Variants in INPP5F observed in about 807,000 individuals in gnomAD.
INPP5F encodes the protein inositol polyphosphate-5-phosphatase F, also known as phosphatidylinositide 4-phosphatase SAC2.
INPP5F carries 97 observed loss-of-function variants against 137.2 expected under a neutral mutation model. That is an observed-to-expected ratio of 0.71 (90% CI 0.60 to 0.84). The LOEUF (loss-of-function observed/expected upper bound fraction) is 0.84. Among genes scored for constraint, INPP5F ranks in the 40% least tolerant of loss-of-function variants. The pLI, the probability that INPP5F is intolerant of heterozygous loss-of-function variation, is 0.00. For synonymous variants in INPP5F, 504 were observed against 476.9 expected, an observed-to-expected ratio of 1.06 and a Z score of -0.74; for missense variants, 1,271 against 1,371.9, an observed-to-expected ratio of 0.93 and a Z score of 1.16.
intron 3 of INPP5F, among the ~76,000 whole-genome samples, chr10:119,785,575 A>AGAGAGAGAGAGAGAGACT (rs1435677238): frequency 5.3e-5 from 8 of 150,442 alleles, no homozygotes; most frequent in Admixed American, 2.0e-4. Flanking sequence ...AGAGAGAGAG[A>AGAGAGAGAGAGAGAGACT]GAGACTGAGA....
chr10:119,765,546 A>ATTT (rs36034689), intron 2 of INPP5F, among the ~76,000 whole-genome samples: 35 of 129,808 alleles, frequency 2.7e-4, no homozygotes, highest in African/African-American at 9.8e-4. Context: ...TAATTTTTGT[A>ATTT]TTTTTTTTTT....
At chr10:119,734,067 ATTTCTCACTGTCAT>A (rs1436964935) in intron 1 of INPP5F, among the ~76,000 whole-genome samples, 1 of 152,164 alleles carries the variant, frequency 6.6e-6, no homozygotes, top group East Asian at 1.9e-4. Context: ...AGTCATGCAA[ATTTCTCACTGTCAT>A]TTTATTCAGT....
Position 119,765,741 on chromosome 10 carries a change from C to CTGTGTGTG in INPP5F, c.178+14621_178+14628dup, listed in dbSNP as rs34906556. 4.6e-3 allele frequency among the ~76,000 whole-genome samples: 583 copies of CTGTGTGTG among 127,684 alleles called. 1 individual carries two copies. Among genetic ancestry groups the CTGTGTGTG allele is most frequent in the African/African-American group, 0.015 (509 of 33,214 alleles). 83.8% of individuals were successfully genotyped at this position (127,684 alleles called of 152,430 possible). A position where few individuals can be genotyped will look rare whatever the true frequency, so the allele number is the denominator to read the frequency against. The stretch of plus-strand genomic sequence containing the variant: ...AACTCCTGCATTGTTCAAGGGTAAA[C>CTGTGTGTG]TGTGTGTGTGTGTGTGTGTGTGTGT... On this transcript the variant is annotated intron_variant, in intron 2 of 19. Coordinates refer to ENST00000650623, the MANE Select transcript of INPP5F (RefSeq NM_014937.4).
intron 19 of INPP5F, among the ~76,000 whole-genome samples, chr10:119,824,206 A>G (rs905944329): frequency 1.3e-5 from 2 of 152,182 alleles, no homozygotes; most frequent in African/African-American, 4.8e-5. Context: ...AAAACTTAAG[A>G]AAGTAACCTT....
At chr10:119,744,568 T>C (rs1317050178) in intron 1 of INPP5F, among the ~76,000 whole-genome samples, 1 of 152,198 alleles carries the variant, frequency 6.6e-6, no homozygotes, top group Non-Finnish European at 1.5e-5. Context: ...TTGTTTTATT[T>C]TGAGATGGAG....
chr10:119,779,156 G>A (rs530150466), intron 2 of INPP5F, among the ~76,000 whole-genome samples: 1 of 152,006 alleles, frequency 6.6e-6, no homozygotes, highest in South Asian at 2.1e-4. Context: ...ATGCATTGTT[G>A]GGCAATTTCA....
At chr10:119,819,601 G>A in intron 15 of INPP5F, 3 of 1,374,666 alleles carry the variant, frequency 2.2e-6, no homozygotes, top group Non-Finnish European at 2.0e-6. Context: ...TCTCTATGAA[G>A]CTGTCTGGAT....
intron 18 of INPP5F, 70 bp from the exon 19 acceptor site, chr10:119,823,745 T>G: frequency 1.8e-6 from 2 of 1,142,612 alleles, no homozygotes; most frequent in Non-Finnish European, 1.3e-6. Context: ...CAGCGCTAAA[T>G]GGGTTAGAAC....
chr10:119,747,441 A>G (rs1178419230), intron 1 of INPP5F, among the ~76,000 whole-genome samples: 1 of 151,814 alleles, frequency 6.6e-6, no homozygotes, highest in Non-Finnish European at 1.5e-5. Flanking sequence ...GCCAGGCTGA[A>G]CTCCTGGCCT....
intron 16 of INPP5F, 147 bp downstream of exon 16, chr10:119,821,064 CTG>C (rs1442745899): frequency 1.2e-5 from 7 of 601,730 alleles, no homozygotes; most frequent in African/African-American, 3.7e-5. Flanking sequence ...CCTTATATAA[CTG>C]TTACGTCATT....
rs755024875 is a variant in INPP5F, at chr10:119,796,696, A to G, written c.670-19A>G. On this transcript the variant is annotated intron_variant, in intron 6 of 19. Transcript: ENST00000650623. ...TGCTGTACAGAATAGAAACGATATCATGTTCATTTTGTTTTCAGACTCCAG... is the reference window on the plus strand; with the variant it reads ...TGCTGTACAGAATAGAAACGATATCGTGTTCATTTTGTTTTCAGACTCCAG... 31 of 1,584,838 alleles carry G rather than the reference A, an allele frequency of 2.0e-5. No individual in the cohort carries two copies. In the East Asian group the frequency reaches 6.3e-4, roughly 32 times the overall value.
In INPP5F at chr10:119,792,005, G is replaced by A. The variant is rs769938859; in HGVS notation, c.581G>A (p.Gly194Glu). ...LTNSVQRQST[G>E]ERDGRPLWQK... ...AATTCCGTGCAGAGGCAGAGCACTG[G>A]GGAGAGGGACGGTCGGCCCCTCTGG... The change falls in exon 5 of 20, where the codon GGG becomes GAG. Residue 194 changes from glycine (G) to glutamate (E), a missense_variant. Transcript: ENST00000650623. 1.2e-6 allele frequency: 2 copies of A among 1,614,210 alleles called. No individual in the cohort carries two copies. Among genetic ancestry groups the A allele is most frequent in the South Asian group, 2.2e-5 (2 of 91,082 alleles).
chr10:119,740,837 G>C (rs992434519), intron 1 of INPP5F, among the ~76,000 whole-genome samples: 2 of 152,282 alleles, frequency 1.3e-5, no homozygotes, highest in South Asian at 4.1e-4. Flanking sequence ...CACTGTGCCC[G>C]GCCCCATACT....
At position 119,785,535 on chromosome 10, in the gene INPP5F, CGAGAGAGAGAGAGAGAGAGAGAGA is replaced by C. The variant is rs59804262; in HGVS notation, c.315+3785_315+3808del. ...TGATCTCCTGACCTTGTGATCCGCT[CGAGAGAGAGAGAGAGAGAGAGAGA>C]GAGAGAGAGAGAGAGAGAGACTGAG... On this transcript the variant is annotated intron_variant, in intron 3 of 19. Coordinates refer to ENST00000650623, the MANE Select transcript of INPP5F (RefSeq NM_014937.4). Among the ~76,000 whole-genome samples, 847 of 93,634 alleles carry C rather than the reference CGAGAGAGAGAGAGAGAGAGAGAGA, an allele frequency of 9.0e-3. 13 individuals are homozygous for C. Among genetic ancestry groups the C allele is most frequent in the African/African-American group, 0.031 (790 of 25,418 alleles). The allele number at this position is 93,634 out of a possible 152,430, so 61.4% of individuals were successfully genotyped here.
At chr10:119,738,553 C>T (rs1241917248) in intron 1 of INPP5F, among the ~76,000 whole-genome samples, 2 of 152,054 alleles carry the variant, frequency 1.3e-5, no homozygotes, top group African/African-American at 4.8e-5. Flanking sequence ...GCTGCATATG[C>T]CTGGAATAAT....
At chr10:119,731,845 T>C (rs1362819625) in intron 1 of INPP5F, among the ~76,000 whole-genome samples, 2 of 152,206 alleles carry the variant, frequency 1.3e-5, no homozygotes, top group Non-Finnish European at 2.9e-5. Context: ...TTTTATATCT[T>C]ATACTACTTT....
chr10:119,736,897 C>T (rs1196304534), intron 1 of INPP5F, among the ~76,000 whole-genome samples: 1 of 152,182 alleles, frequency 6.6e-6, no homozygotes, highest in African/African-American at 2.4e-5. Flanking sequence ...TGGGATAGCT[C>T]ACTGCAGCCT....
At chr10:119,729,400 GC>G (rs934712504) in intron 1 of INPP5F, among the ~76,000 whole-genome samples, 23 of 151,994 alleles carry the variant, frequency 1.5e-4, no homozygotes, top group Admixed American at 6.6e-4. Flanking sequence ...GCCCACCTCG[GC>G]CCCCCAAAGT....
At chr10:119,826,341 A>G (rs1041987454) in intron 19 of INPP5F, among the ~76,000 whole-genome samples, 1 of 152,208 alleles carries the variant, frequency 6.6e-6, no homozygotes, top group Non-Finnish European at 1.5e-5. Flanking sequence ...ATCTTTTAAT[A>G]TTTTTATGTT....
Sources: allele counts gnomAD v4.1 joint callset (sites outside exome capture counted in the v4.1 genomes callset), GRCh38; gene constraint gnomAD v4.1.1; transcripts MANE v1.5; gene names NCBI Gene and HGNC (gene_info 2026-07-23, HGNC 2026-07-21).